Variants in ENO3 observed in about 807,000 individuals in gnomAD.
ENO3 encodes the protein beta-enolase.
In ENO3, 46 loss-of-function variants were observed where a neutral mutation model predicts 47.7. The observed-to-expected ratio is 0.96, with a 90% confidence interval of 0.76 to 1.23. The LOEUF is 1.23. Ranked by LOEUF, ENO3 falls within the 50% of genes most tolerant of loss-of-function variation. The probability of loss-of-function intolerance (pLI) is 0.00; values close to 1 mark genes in which losing one functional copy is unlikely to be tolerated. For synonymous variants in ENO3, 223 were observed against 225.9 expected, an observed-to-expected ratio of 0.99 and a Z score of 0.11; for missense variants, 575 against 566.2, an observed-to-expected ratio of 1.02 and a Z score of -0.16.
upstream of ENO3, among the ~76,000 whole-genome samples, chr17:4,949,868 G>C (rs1287556675): frequency 6.6e-6 from 1 of 152,148 alleles, no homozygotes; most frequent in Non-Finnish European, 1.5e-5. Flanking sequence ...TCACTGGCGG[G>C]CTCGGGCGGG....
At chr17:4,951,686 C>T (rs749762979) in intron 1 of ENO3, 142 bp from the exon 2 acceptor site, 8 of 895,526 alleles carry the variant, frequency 8.9e-6, no homozygotes, top group Non-Finnish European at 1.3e-5. Flanking sequence ...GCGCCTGCCT[C>T]TTTGGTCTGT....
Position 4,956,070 on chromosome 17 carries a change from G to T in ENO3, c.994G>T (p.Val332Phe). ...VTNPKRIAQA[V>F]EKKACNCLLL... ...CAACCCCAAGAGGATTGCCCAGGCC[G>T]TTGAGAAGAAGGCCTGCAACTGTCT... The change falls in exon 9 of 12, where the codon GTT (valine) becomes TTT (phenylalanine). Residue 332 changes from valine (V) to phenylalanine (F), a missense_variant. Coordinates refer to ENST00000519602, the MANE Select transcript of ENO3 (RefSeq NM_053013.4). 6.2e-7 allele frequency: 1 copy of T among 1,614,046 alleles called. No homozygotes were observed. Among genetic ancestry groups the T allele is most frequent in the Non-Finnish European group, 8.5e-7 (1 of 1,180,014 alleles).
intron 2 of ENO3, 113 bp from the exon 3 acceptor site, chr17:4,952,682 G>C: frequency 5.5e-6 from 6 of 1,085,870 alleles, no homozygotes; most frequent in Non-Finnish European, 8.2e-6. Context: ...GGCTGGTCTT[G>C]AACTCCTGAT....
Position 4,955,572 on chromosome 17 carries a change from A to G in ENO3, c.833A>G (p.Glu278Gly). The change falls in exon 8 of 12, where the codon GAG (glutamate) becomes GGG (glycine). Residue 278 changes from glutamate to glycine, a missense_variant. Coordinates refer to ENST00000519602, the MANE Select transcript of ENO3 (RefSeq NM_053013.4). ...CACATCACTGGGGAGAAGCTCGGAG[A>G]GCTGTATAAGAGCTTTATCAAGAAC... The part of the protein sequence containing the change: ...ARHITGEKLG[E>G]LYKSFIKNYP... 1 of 1,614,198 alleles carries G rather than the reference A, an allele frequency of 6.2e-7. No individual in the cohort carries two copies. The highest frequency in any genetic ancestry group is 8.5e-7 in the Non-Finnish European group (1 of 1,180,026).
chr17:4,950,989 G>T (rs1971524597), upstream of ENO3: 2 of 981,088 alleles, frequency 2.0e-6, no homozygotes, highest in Non-Finnish European at 1.2e-6. Context: ...AGAGGCTTCT[G>T]CTTCAGGCTG....
Position 4,955,151 on chromosome 17 carries a change from G to A in ENO3, c.521G>A (p.Gly174Glu). 6.2e-7 allele frequency: 1 copy of A among 1,614,240 alleles called. No individual in the cohort carries two copies. Among genetic ancestry groups the A allele is most frequent in the Non-Finnish European group, 8.5e-7 (1 of 1,180,040 alleles). ...AMQEFMILPV[G>E]ASSFKEAMRI... Reference sequence around the variant, plus strand: ...CAGGAGTTCATGATTCTGCCTGTGGGAGCCAGCTCCTTCAAGGAAGCCATG... The same window carrying A: ...CAGGAGTTCATGATTCTGCCTGTGGAAGCCAGCTCCTTCAAGGAAGCCATG... Residue 174 changes from glycine (G) to glutamate (E), a missense_variant, in exon 7 of 12, where the codon GGA (glycine) becomes GAA (glutamate). By Grantham distance (98) the Gly-to-Glu change is moderately conservative. Coordinates refer to ENST00000519602, the MANE Select transcript of ENO3 (RefSeq NM_053013.4).
chr17:4,956,976 A>G lies in ENO3; in HGVS notation c.1236-2A>G. The G allele has an allele frequency of 6.2e-7, 1 of 1,614,214 alleles. No individual in the cohort carries two copies. Among genetic ancestry groups the G allele is most frequent in the Non-Finnish European group, 8.5e-7 (1 of 1,180,042 alleles). On this transcript the variant is annotated splice_acceptor_variant, in intron 11 of 11. Coordinates refer to ENST00000519602, the MANE Select transcript of ENO3 (RefSeq NM_053013.4). LOFTEE classifies it high-confidence loss of function. ...GCAGCCCTAACCTTGCCTGCATTCT[A>G]GGATCGAGGAGGCTCTTGGGGACAA...
At chr17:4,950,363 C>G (rs1207972458), upstream of ENO3, 2 of 162,484 alleles carry the variant, frequency 1.2e-5, no homozygotes. Flanking sequence ...TCGGTCCATT[C>G]ATTTTTGTTC....
At position 4,955,455 on chromosome 17, in the gene ENO3, A is replaced by G. The variant is rs764872268; in HGVS notation, c.716A>G (p.Lys239Arg). 7.4e-6 allele frequency: 12 copies of G among 1,614,060 alleles called. No homozygotes were observed. The Admixed American group carries it at 1.5e-4, about 20-fold the overall frequency. ...ATCCAGGCGGCTGGTTACCCAGACA[A>G]GGTGGTGATCGGCATGGATGTGGCA... ...TAIQAAGYPD[K>R]VVIGMDVAAS... is the part of the protein sequence containing the mutation. Residue 239 changes from lysine to arginine, a missense_variant, in exon 8 of 12, where the codon AAG becomes AGG. Coordinates refer to ENST00000519602, the MANE Select transcript of ENO3 (RefSeq NM_053013.4).
At chr17:4,948,740 A>G (rs1036895373), upstream of ENO3, 16 of 295,214 alleles carry the variant, frequency 5.4e-5, no homozygotes, top group Non-Finnish European at 8.8e-5. Flanking sequence ...ATGCAGAAGG[A>G]TGGGGGGTGG....
rs1323159454 is a variant in ENO3, at chr17:4,953,827, C to T, written c.426C>T (p.Asp142=). ...TCGCAGATCTCGCTGGGAACCCTGACCTCATACTCCCAGTGCCAGTGAGTG... is the reference window on the plus strand; with the variant it reads ...TCGCAGATCTCGCTGGGAACCCTGATCTCATACTCCCAGTGCCAGTGAGTG... The part of the protein sequence containing the change: ...RHIADLAGNP[D]LILPVPAFNV... The change falls in exon 6 of 12, where the codon GAC becomes GAT. Residue 142 remains aspartate (D), a synonymous_variant. Coordinates refer to ENST00000519602, the MANE Select transcript of ENO3 (RefSeq NM_053013.4). 26 of 1,614,038 alleles carry T rather than the reference C, an allele frequency of 1.6e-5. No homozygotes were observed. The highest frequency in any genetic ancestry group is 2.2e-5 in the Non-Finnish European group (26 of 1,180,040).
chr17:4,953,010 C>T (rs1971596930), intron 3 of ENO3, 41 bp from the exon 4 acceptor site: 3 of 1,613,634 alleles, frequency 1.9e-6, no homozygotes, highest in Non-Finnish European at 2.5e-6. Context: ...GAAAGGGGCC[C>T]AGTTGATTGA....
intron 6 of ENO3, chr17:4,954,182 C>A: frequency 2.5e-6 from 1 of 406,692 alleles, no homozygotes; most frequent in South Asian, 2.5e-5. Context: ...TTCTTTGTAT[C>A]TTCTTGAGTC....
At position 4,955,511 on chromosome 17, in the gene ENO3, G is replaced by A. The variant is rs772780015; in HGVS notation, c.772G>A (p.Asp258Asn). Residue 258 changes from aspartate to asparagine, a missense_variant, in exon 8 of 12, where the codon GAT becomes AAT. Transcript: ENST00000519602. ...ASEFYRNGKYDLDFKSPDDPA... is the reference protein window; with the variant it reads ...ASEFYRNGKYNLDFKSPDDPA... ...TGAGTTCTATCGCAATGGGAAGTAC[G>A]ATCTTGACTTCAAGTCGCCTGATGA... 9.3e-6 allele frequency: 15 copies of A among 1,614,106 alleles called. No individual in the cohort carries two copies. The highest frequency in any genetic ancestry group is 7.7e-5 in the South Asian group (7 of 91,084).
chr17:4,955,485 C>T lies in ENO3; in HGVS notation c.746C>T (p.Ser249Phe). Reference sequence around the variant, plus strand: ...GTGATCGGCATGGATGTGGCAGCATCTGAGTTCTATCGCAATGGGAAGTAC... The same window carrying T: ...GTGATCGGCATGGATGTGGCAGCATTTGAGTTCTATCGCAATGGGAAGTAC... ...KVVIGMDVAA[S>F]EFYRNGKYDL... The change falls in exon 8 of 12, where the codon TCT becomes TTT. Residue 249 changes from serine to phenylalanine, a missense_variant. By Grantham distance (155) the Ser-to-Phe change is radical. Coordinates refer to ENST00000519602, the MANE Select transcript of ENO3 (RefSeq NM_053013.4). The T allele has an allele frequency of 6.2e-7, 1 of 1,614,236 alleles. No individual in the cohort carries two copies. The highest frequency in any genetic ancestry group is 8.5e-7 in the Non-Finnish European group (1 of 1,180,048).
At chr17:4,953,464 A>G in intron 5 of ENO3, 123 bp downstream of exon 5, 1 of 1,442,114 alleles carries the variant, frequency 6.9e-7, no homozygotes. Context: ...AGCTGGATGG[A>G]TTTGTGTTCA....
chr17:4,955,829 C>T (rs199572580), intron 8 of ENO3, 113 bp from the exon 9 acceptor site: 20 of 788,340 alleles, frequency 2.5e-5, no homozygotes, highest in Middle Eastern at 3.1e-4. Context: ...TGTCTCTGCT[C>T]TGTCTCTGCC....
chr17:4,955,032 C>G, intron 6 of ENO3, 43 bp from the exon 7 acceptor site: 2 of 1,537,202 alleles, frequency 1.3e-6, no homozygotes, highest in East Asian at 2.4e-5. Context: ...TTCTTGAGCT[C>G]TCATGCCCCG....
intron 9 of ENO3, chr17:4,956,345 C>A: frequency 1.3e-6 from 1 of 744,476 alleles, no homozygotes; most frequent in Non-Finnish European, 2.3e-6. Context: ...TCATGACCCC[C>A]CACCCCCAGC....
Sources: allele counts gnomAD v4.1 joint callset (sites outside exome capture counted in the v4.1 genomes callset), GRCh38; gene constraint gnomAD v4.1.1; transcripts MANE v1.5; gene names NCBI Gene and HGNC (gene_info 2026-07-23, HGNC 2026-07-21).